The following FBXO4 variants were observed in gnomAD, a reference collection of about 807,000 sequenced individuals.
FBXO4 encodes the protein F-box protein 4.
Under a neutral mutation model 43.7 loss-of-function variants are expected in FBXO4, and 36 were observed. The ratio of observed to expected loss-of-function variants is 0.82; its 90% confidence interval spans 0.63 to 1.09. The LOEUF is 1.09. FBXO4 is among the 50% of genes least tolerant of loss of function. FBXO4 has a pLI of 0.00. For missense variants in FBXO4, 435 were observed against 474.1 expected (o/e 0.92, Z 0.77); for synonymous variants, 180 against 165.6 (o/e 1.09, Z -0.67).
chr5:42,015,524 C>G, the FBXO4 span, among the ~76,000 whole-genome samples: 314 of 152,244 alleles, frequency 2.1e-3, no homozygotes, highest in African/African-American at 7.2e-3. Context: ...GATACACCCA[C>G]CTATGTCTAA....
the FBXO4 span, among the ~76,000 whole-genome samples, chr5:41,981,707 T>C: frequency 2.0e-5 from 3 of 151,428 alleles, no homozygotes; most frequent in Non-Finnish European, 4.4e-5. Context: ...GTCCTCTAAT[T>C]TCTTTTTTTT....
At chr5:41,935,165 A>G (rs1186821789) in intron 5 of FBXO4, 1 of 982,334 alleles carries the variant, frequency 1.0e-6, no homozygotes, top group East Asian at 1.1e-4. Context: ...TAAAACAGAT[A>G]TAGCCCCTAC....
chr5:41,978,483 C>A, the FBXO4 span, among the ~76,000 whole-genome samples: 1 of 152,070 alleles, frequency 6.6e-6, no homozygotes, highest in Admixed American at 6.5e-5. Context: ...TCTCTAAACC[C>A]AGATAGAACC....
chr5:41,938,812 T>C (rs1239155420), intron 5 of FBXO4, among the ~76,000 whole-genome samples: 1 of 152,228 alleles, frequency 6.6e-6, no homozygotes, highest in African/African-American at 2.4e-5. Flanking sequence ...CTGGGGGCTG[T>C]TATCAGCTTC....
the FBXO4 span, among the ~76,000 whole-genome samples, chr5:42,001,891 A>C: frequency 6.6e-6 from 1 of 152,166 alleles, no homozygotes; most frequent in Non-Finnish European, 1.5e-5. Flanking sequence ...AAGTTTCACT[A>C]TGTTGGCCAG....
the FBXO4 span, chr5:41,951,248 A>G: frequency 6.4e-6 from 1 of 157,460 alleles, no homozygotes; most frequent in East Asian, 1.9e-4. Flanking sequence ...GGAGAAACTG[A>G]TGATTTTTTT....
chr5:41,987,487 T>A, the FBXO4 span, among the ~76,000 whole-genome samples: 1 of 152,116 alleles, frequency 6.6e-6, no homozygotes, highest in South Asian at 2.1e-4. Flanking sequence ...ACCTTAGAAA[T>A]GAAAAACCAT....
chr5:41,971,240 G>T, the FBXO4 span, among the ~76,000 whole-genome samples: 3 of 151,566 alleles, frequency 2.0e-5, no homozygotes, highest in Non-Finnish European at 4.4e-5. Context: ...GTGTATGTGT[G>T]TGTGTGTGTA....
chr5:41,991,859 A>T, the FBXO4 span, among the ~76,000 whole-genome samples: 3 of 152,114 alleles, frequency 2.0e-5, no homozygotes, highest in Non-Finnish European at 4.4e-5. Context: ...AGGGCGGATC[A>T]CCCCAGGTCG....
chr5:41,944,551 A>G (rs1161743637), downstream of FBXO4, among the ~76,000 whole-genome samples: 1 of 152,238 alleles, frequency 6.6e-6, no homozygotes, highest in Non-Finnish European at 1.5e-5. Context: ...AACATTACTC[A>G]TAAATTATTC....
the FBXO4 span, among the ~76,000 whole-genome samples, chr5:41,986,995 C>T: frequency 1.3e-5 from 2 of 152,080 alleles, no homozygotes; most frequent in Non-Finnish European, 2.9e-5. Context: ...ATCCATTTAG[C>T]TTTAATGCCT....
At chr5:42,022,951 C>T in the FBXO4 span, among the ~76,000 whole-genome samples, 2 of 151,944 alleles carry the variant, frequency 1.3e-5, no homozygotes, top group African/African-American at 2.4e-5. Flanking sequence ...TGAACAAATA[C>T]AGGGTTTAAA....
chr5:42,006,914 A>ATATATATATATATATGTATG, the FBXO4 span, among the ~76,000 whole-genome samples: 16 of 141,494 alleles, frequency 1.1e-4, no homozygotes, highest in African/African-American at 4.3e-4. Flanking sequence ...ATATATATAT[A>ATATATATATATATATGTATG]TATGTATATA....
the FBXO4 span, among the ~76,000 whole-genome samples, chr5:42,030,860 C>T: frequency 6.6e-6 from 1 of 152,140 alleles, no homozygotes; most frequent in Non-Finnish European, 1.5e-5. Flanking sequence ...TAAAAAAATC[C>T]TCATTGTCAC....
chr5:41,982,289 G>T, the FBXO4 span, among the ~76,000 whole-genome samples: 1 of 152,026 alleles, frequency 6.6e-6, no homozygotes, highest in African/African-American at 2.4e-5. Flanking sequence ...TGGGTCAAAT[G>T]GTATTTCTAG....
chr5:41,997,064 T>C, the FBXO4 span, among the ~76,000 whole-genome samples: 1 of 152,186 alleles, frequency 6.6e-6, no homozygotes, highest in Non-Finnish European at 1.5e-5. Context: ...GGACAGTAAA[T>C]GTGTACTGCT....
chr5:41,999,482 T>TATATAC, the FBXO4 span, among the ~76,000 whole-genome samples: 21 of 10,086 alleles, frequency 2.1e-3, no homozygotes, highest in African/African-American at 4.4e-3. Flanking sequence ...TATATACACA[T>TATATAC]ATATATATAT....
downstream of FBXO4, among the ~76,000 whole-genome samples, chr5:41,946,570 T>TA (rs1265821420): frequency 1.3e-5 from 2 of 152,220 alleles, no homozygotes; most frequent in Admixed American, 1.3e-4. Flanking sequence ...TCAAGACTCC[T>TA]AGTCAATTAG....
the FBXO4 span, among the ~76,000 whole-genome samples, chr5:41,964,592 G>C: frequency 7.4e-6 from 1 of 135,724 alleles, no homozygotes; most frequent in Non-Finnish European, 1.6e-5. Context: ...CAAGCCAAGT[G>C]TTTTTTTTTT....
Sources: gnomAD v4.1 joint callset for allele counts (sites outside exome capture counted in the v4.1 genomes callset) on GRCh38, gnomAD v4.1.1 for gene constraint, MANE v1.5 for transcripts, NCBI Gene and HGNC (gene_info 2026-07-23, HGNC 2026-07-21) for gene names.